MYO3A: variants seen among roughly 807,000 people sequenced by gnomAD.
The protein encoded by MYO3A is myosin-IIIa.
A neutral mutation model predicts 192.7 loss-of-function variants in MYO3A; 180 were observed. The ratio of observed to expected loss-of-function variants is 0.93; its 90% confidence interval spans 0.83 to 1.06. The LOEUF (loss-of-function observed/expected upper bound fraction) is 1.06, where lower values mean the gene tolerates loss of function less well. Among genes scored for constraint, MYO3A ranks in the 50% least tolerant of loss-of-function variants. The pLI, the probability that MYO3A is intolerant of heterozygous loss-of-function variation, is 0.00. For synonymous variants in MYO3A, 628 were observed against 645.3 expected, an observed-to-expected ratio of 0.97 and a Z score of 0.41; for missense variants, 1,896 against 1,905.0, an observed-to-expected ratio of 1.00 and a Z score of 0.09.
At chr10:26,034,731 A>T (rs1439778877) in intron 10 of MYO3A, among the ~76,000 whole-genome samples, 1 of 152,066 alleles carries the variant, frequency 6.6e-6, no homozygotes, top group African/African-American at 2.4e-5. Flanking sequence ...ACAAAGGCTG[A>T]TGTTGAATCT....
intron 17 of MYO3A, among the ~76,000 whole-genome samples, chr10:26,110,857 G>GGGTTTTC (rs1838125511): frequency 6.7e-6 from 1 of 150,364 alleles, no homozygotes; most frequent in Non-Finnish European, 1.5e-5. Flanking sequence ...ATCGTTTTTT[G>GGGTTTTC]GGTTTTCTTT....
At chr10:26,184,179 G>C (rs1842756529) in intron 31 of MYO3A, among the ~76,000 whole-genome samples, 1 of 152,192 alleles carries the variant, frequency 6.6e-6, no homozygotes, top group African/African-American at 2.4e-5. Context: ...CTCTCTTTAA[G>C]TCTAGAACCA....
intron 20 of MYO3A, among the ~76,000 whole-genome samples, chr10:26,131,446 A>G (rs1839528456): frequency 6.6e-6 from 1 of 152,126 alleles, no homozygotes; most frequent in South Asian, 2.1e-4. Flanking sequence ...TGTTTGCATT[A>G]CCTTTGAAAC....
intron 31 of MYO3A, among the ~76,000 whole-genome samples, chr10:26,188,514 A>G (rs1589105304): frequency 6.6e-6 from 1 of 152,086 alleles, no homozygotes; most frequent in East Asian, 1.9e-4. Context: ...CCATTTGTCA[A>G]TTTTGGCTTT....
chr10:26,079,127 T>C (rs551901789), intron 14 of MYO3A, among the ~76,000 whole-genome samples: 3 of 152,308 alleles, frequency 2.0e-5, no homozygotes, highest in African/African-American at 7.2e-5. Flanking sequence ...TCTCCCACTA[T>C]AATTGTGTTG....
chr10:26,150,355 T>A (rs1378096883), intron 23 of MYO3A, among the ~76,000 whole-genome samples: 1 of 152,200 alleles, frequency 6.6e-6, no homozygotes, highest in African/African-American at 2.4e-5. Context: ...ATAGAATAAA[T>A]TGAGTAATAT....
At chr10:26,025,985 T>G (rs1842520869) in intron 9 of MYO3A, among the ~76,000 whole-genome samples, 1 of 152,260 alleles carries the variant, frequency 6.6e-6, no homozygotes, top group African/African-American at 2.4e-5. Context: ...ATTGTTTGTT[T>G]TAATTTTAGA....
chr10:25,992,780 CT>C (rs1840136767), intron 4 of MYO3A, among the ~76,000 whole-genome samples: 1 of 152,286 alleles, frequency 6.6e-6, no homozygotes, highest in South Asian at 2.1e-4. Context: ...TGGTTTTTAT[CT>C]TTGGTTCTGT....
rs1234195748 is a variant in MYO3A at position 26,026,506 on chromosome 10, A to G, written c.927A>G (p.Gln309=). 6.2e-7 allele frequency: 1 copy of G among 1,614,156 alleles called. No individual in the cohort carries two copies. Among genetic ancestry groups the G allele is most frequent in the East Asian group, 2.2e-5 (1 of 44,866 alleles). Residue 309 remains glutamine (Q), a synonymous_variant, in exon 10 of 35, where the codon CAA becomes CAG. Coordinates refer to ENST00000642920, the MANE Select transcript of MYO3A (RefSeq NM_017433.5). The part of the protein sequence containing the change: ...KQLTEFIGIH[Q]CMGGTEKARR... ...TAACGGAATTCATTGGCATCCATCAATGCATGGGAGGCACAGAAAAGGCCA... is the reference window on the plus strand; with the variant it reads ...TAACGGAATTCATTGGCATCCATCAGTGCATGGGAGGCACAGAAAAGGCCA...
intron 34 of MYO3A, among the ~76,000 whole-genome samples, chr10:26,209,409 T>C (rs1844121252): frequency 6.6e-6 from 1 of 152,182 alleles, no homozygotes; most frequent in Non-Finnish European, 1.5e-5. Flanking sequence ...CAACCACCCA[T>C]TTTTTCTGCT....
intron 4 of MYO3A, among the ~76,000 whole-genome samples, chr10:25,973,827 A>G (rs1838808018): frequency 6.6e-6 from 1 of 152,220 alleles, no homozygotes; most frequent in Non-Finnish European, 1.5e-5. Flanking sequence ...CCAGACAAAA[A>G]CAAGCAATGG....
At chr10:26,119,495 A>G (rs1280595442) in intron 17 of MYO3A, among the ~76,000 whole-genome samples, 2 of 152,188 alleles carry the variant, frequency 1.3e-5, no homozygotes, top group East Asian at 1.9e-4. Context: ...TATTTATTAC[A>G]TATATATGTA....
intron 20 of MYO3A, among the ~76,000 whole-genome samples, chr10:26,138,362 T>C (rs1839969465): frequency 1.3e-5 from 2 of 152,330 alleles, no homozygotes; most frequent in South Asian, 4.1e-4. Flanking sequence ...TTCTAGTCCA[T>C]CTTCCCAACT....
chr10:26,114,112 A>T (rs1050763819), intron 17 of MYO3A, among the ~76,000 whole-genome samples: 9 of 151,964 alleles, frequency 5.9e-5, no homozygotes, highest in Admixed American at 1.3e-4. Flanking sequence ...CCTCCACCCC[A>T]GCCTGCCTCC....
At chr10:26,017,204 C>T (rs1406029935) in intron 7 of MYO3A, among the ~76,000 whole-genome samples, 1 of 152,128 alleles carries the variant, frequency 6.6e-6, no homozygotes, top group Admixed American at 6.5e-5. Context: ...ATGATATTTA[C>T]ATTATCTTTT....
At chr10:26,073,001 G>T (rs1044288560) in intron 14 of MYO3A, among the ~76,000 whole-genome samples, 6 of 152,156 alleles carry the variant, frequency 3.9e-5, no homozygotes, top group Non-Finnish European at 7.4e-5. Flanking sequence ...CAATAAAAAG[G>T]AATAAACATT....
intron 10 of MYO3A, among the ~76,000 whole-genome samples, chr10:26,062,141 C>A: frequency 6.6e-6 from 1 of 152,054 alleles, no homozygotes; most frequent in East Asian, 1.9e-4. Context: ...CAACAAGAAG[C>A]TAAGGGCATA....
intron 4 of MYO3A, among the ~76,000 whole-genome samples, chr10:25,994,639 G>A (rs1208307605): frequency 2.0e-5 from 3 of 152,180 alleles, no homozygotes; most frequent in Non-Finnish European, 4.4e-5. Flanking sequence ...TTTTTGCAGT[G>A]GCTGGTACTG....
At chr10:25,980,028 AGATT>A (rs1434749957) in intron 4 of MYO3A, among the ~76,000 whole-genome samples, 2 of 152,172 alleles carry the variant, frequency 1.3e-5, no homozygotes, top group Non-Finnish European at 2.9e-5. Context: ...TGAGGTCAGG[AGATT>A]GAGACCATCC....
Sources: allele counts gnomAD v4.1 joint callset (sites outside exome capture counted in the v4.1 genomes callset), GRCh38; gene constraint gnomAD v4.1.1; transcripts MANE v1.5; gene names NCBI Gene and HGNC (gene_info 2026-07-23, HGNC 2026-07-21).